Variants in GRIA1 observed in about 807,000 individuals in gnomAD.
The protein encoded by GRIA1 is glutamate receptor 1.
A neutral mutation model predicts 99.2 loss-of-function variants in GRIA1; 31 were observed. The ratio of observed to expected loss-of-function variants is 0.31; its 90% CI spans 0.23 to 0.42. The LOEUF is 0.42. GRIA1 is among the 10% of genes least tolerant of loss of function. The pLI, the probability that GRIA1 is intolerant of heterozygous loss-of-function variation, is 1.00. For synonymous variants in GRIA1, 438 were observed against 432.4 expected, an observed-to-expected ratio of 1.01 and a Z score of -0.16; for missense variants, 782 against 1,157.5, an observed-to-expected ratio of 0.68 and a Z score of 4.71.
chr5:153,666,528 G>A (rs772004113), intron 5 of GRIA1, among the ~76,000 whole-genome samples: 6 of 152,132 alleles, frequency 3.9e-5, no homozygotes, highest in Non-Finnish European at 5.9e-5. Flanking sequence ...TGAATAGATT[G>A]GCCTCACTAG....
At chr5:153,741,615 C>T (rs551748900) in intron 11 of GRIA1, among the ~76,000 whole-genome samples, 9 of 152,136 alleles carry the variant, frequency 5.9e-5, no homozygotes, top group South Asian at 4.2e-4. Flanking sequence ...CATGGATGAA[C>T]CTTGAGGACA....
chr5:153,666,271 A>G lies in GRIA1; in HGVS notation c.700-8229A>G, dbSNP rs532254458. Among the ~76,000 whole-genome samples, 5 of 152,320 alleles carry G rather than the reference A, an allele frequency of 3.3e-5. No homozygotes were observed. The East Asian group carries it at 9.6e-4, about 29-fold the overall frequency. ...ACTGCTTGTGGACGCTGTGGGGGCC[A>G]ACGTCCCTGCCCTCCAGGAGCTCAC... On this transcript the variant is annotated intron_variant, in intron 5 of 15. Transcript: ENST00000285900.
chr5:153,713,783 A>G (rs932968365), intron 11 of GRIA1, among the ~76,000 whole-genome samples: 1 of 152,248 alleles, frequency 6.6e-6, no homozygotes, highest in Non-Finnish European at 1.5e-5. Flanking sequence ...AAATTACAAT[A>G]GGAAAATTTT....
rs189067403 is a variant in GRIA1 at position 153,723,624 on chromosome 5, C to T, written c.1823+17557C>T. 8.6e-3 allele frequency among the ~76,000 whole-genome samples: 1,317 copies of T among 152,304 alleles called. 7 individuals carry two copies. Among genetic ancestry groups the T allele is most frequent in the Middle Eastern group, 0.014 (4 of 294 alleles). On this transcript the variant is annotated intron_variant, in intron 11 of 15. Transcript: ENST00000285900. Reference sequence around the variant, plus strand: ...CCTGGCTCGGAGGGTCCTACCCCCACGGAGTCTCGCTGATTGCTAGCACAG... The same window carrying T: ...CCTGGCTCGGAGGGTCCTACCCCCATGGAGTCTCGCTGATTGCTAGCACAG...
At chr5:153,716,307 G>C (rs910735469) in intron 11 of GRIA1, among the ~76,000 whole-genome samples, 2 of 152,184 alleles carry the variant, frequency 1.3e-5, no homozygotes, top group Admixed American at 6.5e-5. Context: ...GTGTCAGTCT[G>C]ATTCTAATAC....
At chr5:153,603,633 G>A (rs538757057) in intron 2 of GRIA1, among the ~76,000 whole-genome samples, 1 of 152,306 alleles carries the variant, frequency 6.6e-6, no homozygotes, top group South Asian at 2.1e-4. Flanking sequence ...CGACATCTCT[G>A]CTCTAGAAGA....
At chr5:153,758,126 A>T (rs1181123577) in intron 11 of GRIA1, among the ~76,000 whole-genome samples, 3 of 152,086 alleles carry the variant, frequency 2.0e-5, no homozygotes, top group African/African-American at 7.2e-5. Context: ...ACAAAGAAAA[A>T]CAGCAAGAAA....
chr5:153,584,657 T>C (rs1763319173), intron 2 of GRIA1, among the ~76,000 whole-genome samples: 1 of 152,204 alleles, frequency 6.6e-6, no homozygotes, highest in Non-Finnish European at 1.5e-5. Context: ...TTTTTCTCTC[T>C]CTCCTTTATT....
At position 153,647,179 on chromosome 5, in the gene GRIA1, G is replaced by T. The variant is rs927070561; in HGVS notation, c.460+12G>T. 3.1e-6 allele frequency: 5 copies of T among 1,611,472 alleles called. No homozygotes were observed. Among genetic ancestry groups the T allele is most frequent in the Middle Eastern group, 3.3e-4 (2 of 5,996 alleles). On this transcript the variant is annotated intron_variant, in intron 3 of 15. Transcript: ENST00000285900. ...TGATGCCGACCGGGGTAAGCCAAGG[G>T]TTAGGGGAGGGAGACTTTTGAGGGA...
chr5:153,514,766 T>G (rs550343680), intron 2 of GRIA1, among the ~76,000 whole-genome samples: 95 of 152,070 alleles, frequency 6.2e-4, no homozygotes, highest in Non-Finnish European at 9.3e-4. Context: ...AACAAGAAAA[T>G]TAATAACCCT....
intron 11 of GRIA1, among the ~76,000 whole-genome samples, chr5:153,713,534 A>G (rs1759469630): frequency 6.6e-6 from 1 of 152,214 alleles, no homozygotes; most frequent in Admixed American, 6.5e-5. Flanking sequence ...AGTTTTACAG[A>G]CCTTTGAGAA....
chr5:153,519,293 C>T (rs1314522751), intron 2 of GRIA1, among the ~76,000 whole-genome samples: 3 of 151,810 alleles, frequency 2.0e-5, no homozygotes, highest in South Asian at 4.2e-4. Flanking sequence ...AATGCCAATT[C>T]GAGGGTCTCA....
At chr5:153,506,316 G>GTGTGTGT (rs1554090827) in intron 2 of GRIA1, among the ~76,000 whole-genome samples, 3 of 140,326 alleles carry the variant, frequency 2.1e-5, no homozygotes, top group African/African-American at 5.4e-5. Context: ...TGGCAAGAAG[G>GTGTGTGT]GTGTGTGTGT....
intron 2 of GRIA1, among the ~76,000 whole-genome samples, chr5:153,556,324 C>G (rs557125687): frequency 4.6e-5 from 7 of 152,222 alleles, no homozygotes; most frequent in Non-Finnish European, 8.8e-5. Context: ...TCAGTTGGTG[C>G]CTCAAAAGGT....
intron 2 of GRIA1, among the ~76,000 whole-genome samples, chr5:153,644,379 A>T (rs1375587360): frequency 6.6e-6 from 1 of 152,204 alleles, no homozygotes; most frequent in Non-Finnish European, 1.5e-5. Flanking sequence ...CAACCCAGGC[A>T]GGGGAGCAAC....
chr5:153,774,465 C>T (rs1046285749), intron 13 of GRIA1, among the ~76,000 whole-genome samples: 1 of 152,100 alleles, frequency 6.6e-6, no homozygotes, highest in Non-Finnish European at 1.5e-5. Flanking sequence ...GTTTACACTA[C>T]AAAAAAAGTG....
chr5:153,809,870 C>T (rs777447866), intron 15 of GRIA1, among the ~76,000 whole-genome samples: 4 of 152,114 alleles, frequency 2.6e-5, no homozygotes, highest in Non-Finnish European at 4.4e-5. Flanking sequence ...GGCTTCAAGA[C>T]GACAGTGAGA....
At chr5:153,625,825 C>A (rs1767546391) in intron 2 of GRIA1, among the ~76,000 whole-genome samples, 1 of 152,156 alleles carries the variant, frequency 6.6e-6, no homozygotes, top group South Asian at 2.1e-4. Context: ...CTTATTTATT[C>A]CTCTCAGTCT....
chr5:153,777,320 G>A (rs1209543745), intron 13 of GRIA1, among the ~76,000 whole-genome samples: 1 of 152,090 alleles, frequency 6.6e-6, no homozygotes, highest in African/African-American at 2.4e-5. Context: ...AATATGATGG[G>A]AGATGACCAG....
Sources: gnomAD v4.1 joint callset for allele counts (sites outside exome capture counted in the v4.1 genomes callset) on GRCh38, gnomAD v4.1.1 for gene constraint, MANE v1.5 for transcripts, NCBI Gene and HGNC (gene_info 2026-07-23, HGNC 2026-07-21) for gene names.